The following KIAA1671 variants were observed in gnomAD, a reference collection of about 807,000 sequenced individuals.
KIAA1671 encodes the protein KIAA1671.
KIAA1671 carries 52 observed loss-of-function variants against 131.2 expected under a neutral mutation model. That is an observed-to-expected ratio of 0.40 (90% confidence interval 0.32 to 0.50). The LOEUF (loss-of-function observed/expected upper bound fraction) is 0.50. Ranked by LOEUF, KIAA1671 falls within the 20% of genes least tolerant of loss-of-function variation. KIAA1671 has a pLI of 0.73. For synonymous variants in KIAA1671, 1,003 were observed against 961.6 expected (o/e 1.04, Z -0.80); for missense variants, 2,360 against 2,364.2 (o/e 1.00, Z 0.04).
At chr22:24,987,500 T>G (rs1923616772) in intron 1 of KIAA1671, among the ~76,000 whole-genome samples, 1 of 152,088 alleles carries the variant, frequency 6.6e-6, no homozygotes, top group Admixed American at 6.6e-5. Flanking sequence ...GGAGTCTCAC[T>G]CTGTTGCCCA....
At chr22:25,190,313 T>C (rs1030861472) in intron 11 of KIAA1671, among the ~76,000 whole-genome samples, 12 of 152,130 alleles carry the variant, frequency 7.9e-5, no homozygotes, top group Non-Finnish European at 1.5e-4. Context: ...TATGAGAATC[T>C]AATGCTGCCG....
chr22:25,101,804 A>C (rs117275252), intron 6 of KIAA1671, among the ~76,000 whole-genome samples: 2,758 of 152,302 alleles, frequency 0.018, 44 homozygotes, highest in East Asian at 0.077. Context: ...CAGGATGTTG[A>C]GTGTCAAGGG....
intron 6 of KIAA1671, among the ~76,000 whole-genome samples, chr22:25,079,937 T>G (rs888768242): frequency 6.6e-6 from 1 of 151,910 alleles, no homozygotes. Flanking sequence ...TGGGAGATGA[T>G]GGCCGCTCAG....
At chr22:25,093,796 C>CTG (rs1930220876) in intron 6 of KIAA1671, among the ~76,000 whole-genome samples, 4 of 141,592 alleles carry the variant, frequency 2.8e-5, no homozygotes, top group African/African-American at 8.0e-5. Flanking sequence ...CTCTCTCTCT[C>CTG]TCTCTCTCTC....
chr22:25,108,280 C>T (rs77363603), intron 6 of KIAA1671, among the ~76,000 whole-genome samples: 5,574 of 152,228 alleles, frequency 0.037, 134 homozygotes, highest in South Asian at 0.06. Context: ...TTTCCCACCC[C>T]GATGTCCAGA....
intron 6 of KIAA1671, among the ~76,000 whole-genome samples, chr22:25,170,067 C>T (rs1237627810): frequency 2.6e-5 from 4 of 152,248 alleles, no homozygotes; most frequent in African/African-American, 9.6e-5. Context: ...GCGCCTGCCA[C>T]CACACCCAGC....
chr22:25,174,256 C>T lies in KIAA1671; in HGVS notation c.4666C>T (p.Pro1556Ser), dbSNP rs776638099. Residue 1556 changes from proline (P) to serine (S), a missense_variant, in exon 8 of 13, where the codon CCA becomes TCA. Pro to Ser is a moderately conservative substitution (Grantham distance 74). This residue lies in a region of KIAA1671 where 1,161 missense variants were observed against 1,204.7 expected (regional missense o/e 0.96). Coordinates refer to ENST00000358431, the MANE Select transcript of KIAA1671 (RefSeq NM_001145206.2). ...TTTTGGCAGCTTGGCCACTGAGTCC[C>T]CAGATAGCAGTGCCACATCGACAAG... ...QSGESLATES[P>S]DSSATSTRKQ... 1.2e-5 allele frequency: 18 copies of T among 1,551,608 alleles called. No individual in the cohort carries two copies. The highest frequency in any genetic ancestry group is 1.7e-4 in the Middle Eastern group (1 of 6,014).
At chr22:25,144,670 G>T (rs1252771233) in intron 6 of KIAA1671, among the ~76,000 whole-genome samples, 1 of 152,186 alleles carries the variant, frequency 6.6e-6, no homozygotes, top group Non-Finnish European at 1.5e-5. Flanking sequence ...ACTGAGTGAA[G>T]TGTTTCTTTC....
chr22:25,026,325 G>A (rs1331617833), intron 2 of KIAA1671, among the ~76,000 whole-genome samples: 1 of 152,092 alleles, frequency 6.6e-6, no homozygotes, highest in Non-Finnish European at 1.5e-5. Context: ...GCTGGCTGGG[G>A]GCAGTTTCAC....
chr22:25,026,408 C>T lies in KIAA1671; in HGVS notation c.-56+624C>T, dbSNP rs373769040. Among the ~76,000 whole-genome samples the T allele has an allele frequency of 1.3e-4, 20 of 152,152 alleles. No homozygotes were observed. The South Asian group carries it at 4.1e-3, about 32-fold the overall frequency. On this transcript the variant is annotated intron_variant, in intron 2 of 12. Transcript: ENST00000358431. ...CAACTTACCTGGCACTTTTTAAGAC[C>T]AGAAAGGAATAAAAAATAATTTTTA...
At chr22:25,169,009 G>A (rs1198914387) in intron 6 of KIAA1671, among the ~76,000 whole-genome samples, 1 of 152,138 alleles carries the variant, frequency 6.6e-6, no homozygotes, top group Non-Finnish European at 1.5e-5. Flanking sequence ...CCAGCAGAAT[G>A]TGCCTCCTGA....
At chr22:25,049,847 T>A (rs1569216497) in intron 6 of KIAA1671, 1 of 152,728 alleles carries the variant, frequency 6.5e-6, no homozygotes, top group Non-Finnish European at 1.5e-5. Context: ...GTTATGGTGA[T>A]AACAGGAGGC....
intron 1 of KIAA1671, among the ~76,000 whole-genome samples, chr22:24,982,474 A>G (rs1443700302): frequency 6.6e-6 from 1 of 152,126 alleles, no homozygotes; most frequent in Non-Finnish European, 1.5e-5. Flanking sequence ...CATTCTCTGG[A>G]CTGTGTGCCT....
At position 25,039,845 on chromosome 22, in the gene KIAA1671, AT is replaced by A; in HGVS notation, c.2718del (p.Phe906LeufsTer10). The A allele has an allele frequency of 6.5e-7, 1 of 1,549,654 alleles. No homozygotes were observed. Among genetic ancestry groups the A allele is most frequent in the Non-Finnish European group, 8.7e-7 (1 of 1,145,894 alleles). On this transcript the variant is annotated frameshift_variant, in exon 5 of 13. Coordinates refer to ENST00000358431, the MANE Select transcript of KIAA1671 (RefSeq NM_001145206.2). LOFTEE classifies it high-confidence loss of function. ...DSQARTHPDA[F>X]AVQKGPFIVA... ...CCCAAGCACGAACACATCCAGATGC[AT>A]TTGCTGTGCAGAAAGGGCCCTTCAT...
intron 6 of KIAA1671, among the ~76,000 whole-genome samples, chr22:25,068,904 G>C (rs1272609891): frequency 6.6e-6 from 1 of 152,178 alleles, no homozygotes; most frequent in Non-Finnish European, 1.5e-5. Flanking sequence ...CCTCTGCCTG[G>C]TGCCTCTGTG....
chr22:25,140,721 C>T (rs1193346754), intron 6 of KIAA1671, among the ~76,000 whole-genome samples: 2 of 152,198 alleles, frequency 1.3e-5, no homozygotes, highest in Non-Finnish European at 2.9e-5. Flanking sequence ...GAGCAGTGGG[C>T]AAGGGCCCCA....
chr22:24,990,130 A>T (rs1478388871), intron 1 of KIAA1671, among the ~76,000 whole-genome samples: 1 of 152,050 alleles, frequency 6.6e-6, no homozygotes, highest in Non-Finnish European at 1.5e-5. Context: ...TGCTCTTGTC[A>T]CCCAGGCTGG....
In KIAA1671 at chr22:25,038,751, TC is replaced by T. The variant is rs1007114336; in HGVS notation, c.1630-8del. On this transcript the variant is annotated splice_polypyrimidine_tract_variant and splice_region_variant and intron_variant, in intron 4 of 12. Coordinates refer to ENST00000358431, the MANE Select transcript of KIAA1671 (RefSeq NM_001145206.2). The stretch of plus-strand genomic sequence containing the variant: ...TGAGGTGTTTCTTTTTCTTTTTGTT[TC>T]TTTCCAGCAAAAGGAGGGGCACAGT... 7.5e-4 allele frequency: 1,135 copies of T among 1,518,792 alleles called. 5 individuals carry two copies. The highest frequency in any genetic ancestry group is 1.2e-3 in the Middle Eastern group (7 of 5,800). 94.1% of individuals were successfully genotyped at this position (1,518,792 alleles called of 1,614,324 possible).
intron 1 of KIAA1671, among the ~76,000 whole-genome samples, chr22:24,995,225 TA>T (rs1243871378): frequency 2.0e-5 from 3 of 151,876 alleles, no homozygotes; most frequent in African/African-American, 7.3e-5. Flanking sequence ...TAATTTTTTG[TA>T]TTTTTTTAGT....
Sources: gnomAD v4.1 joint callset for allele counts (sites outside exome capture counted in the v4.1 genomes callset) on GRCh38, gnomAD v4.1.1 for gene constraint, gnomAD v4.1.1 regional missense constraint, MANE v1.5 for transcripts, NCBI Gene and HGNC (gene_info 2026-07-23, HGNC 2026-07-21) for gene names.